Variants in EYS observed in about 807,000 individuals in gnomAD.
EYS encodes EGF-like photoreceptor maintenance factor, also known as protein eyes shut homolog.
Under a neutral mutation model 282.1 loss-of-function variants are expected in EYS, and 250 were observed. That is an observed-to-expected ratio of 0.89 (90% CI 0.80 to 0.98). EYS has a LOEUF of 0.98. Among genes scored for constraint, EYS ranks in the 50% least tolerant of loss-of-function variants. EYS has a pLI of 0.00. For synonymous variants in EYS, 1,355 were observed against 1,282.9 expected (o/e 1.06, Z -1.20); for missense variants, 4,016 against 3,709.0 (o/e 1.08, Z -2.15).
In EYS at chr6:64,023,819, C is replaced by T. The variant is rs191522636; in HGVS notation, c.6726-24636G>A. Among the ~76,000 whole-genome samples, 401 of 152,284 alleles carry T rather than the reference C, an allele frequency of 2.6e-3. 1 individual carries two copies. Among genetic ancestry groups the T allele is most frequent in the Middle Eastern group, 0.014 (4 of 292 alleles). On this transcript the variant is annotated intron_variant, in intron 33 of 42. Transcript: ENST00000503581. ...AACTGGGGCTGTGCCGCGGTGTTTGCGGGCCAGCGCGAGTTCCAGGTGGGC... is the reference window on the plus strand; with the variant it reads ...AACTGGGGCTGTGCCGCGGTGTTTGTGGGCCAGCGCGAGTTCCAGGTGGGC...
rs867948662 is a variant in EYS at position 64,421,865 on chromosome 6, G to A, written c.5927+14309C>T. 6.6e-3 allele frequency among the ~76,000 whole-genome samples: 897 copies of A among 135,564 alleles called. 12 individuals are homozygous for A. The highest frequency in any genetic ancestry group is 0.022 in the African/African-American group (643 of 29,890). 88.9% of individuals were successfully genotyped at this position (135,564 alleles called of 152,430 possible). A position where few individuals can be genotyped will look rare whatever the true frequency, so the allele number is the denominator to read the frequency against. On this transcript the variant is annotated intron_variant, in intron 28 of 42. Coordinates refer to ENST00000503581, the MANE Select transcript of EYS (RefSeq NM_001142800.2). Reference sequence around the variant, plus strand: ...GCGCATTTTTTTGTTTGGGGGGTGTGTGTGTGTGTGTGTGTGTGTGTGTGT... The same window carrying A: ...GCGCATTTTTTTGTTTGGGGGGTGTATGTGTGTGTGTGTGTGTGTGTGTGT...
chr6:63,730,849 G>A (rs1310237678), intron 41 of EYS, among the ~76,000 whole-genome samples: 4 of 151,794 alleles, frequency 2.6e-5, no homozygotes, highest in African/African-American at 9.7e-5. Flanking sequence ...ATGAAACCCC[G>A]TCTCTACTAA....
chr6:64,803,556 C>A (rs1212534081), intron 22 of EYS, among the ~76,000 whole-genome samples: 1 of 152,192 alleles, frequency 6.6e-6, no homozygotes, highest in Non-Finnish European at 1.5e-5. Context: ...AATGGGGACT[C>A]ACCCCTTTCT....
chr6:63,914,275 T>G (rs1764360374), intron 35 of EYS, among the ~76,000 whole-genome samples: 2 of 152,004 alleles, frequency 1.3e-5, no homozygotes, highest in Non-Finnish European at 2.9e-5. Flanking sequence ...AAGCTAGAAA[T>G]GATGAAGTTT....
At chr6:65,095,977 C>T (rs1259675271) in intron 12 of EYS, among the ~76,000 whole-genome samples, 2 of 150,882 alleles carry the variant, frequency 1.3e-5, no homozygotes, top group Non-Finnish European at 3.0e-5. Flanking sequence ...AAATAAATGC[C>T]ATCCAAATCA....
chr6:64,486,658 A>G (rs575707560), intron 26 of EYS, among the ~76,000 whole-genome samples: 14 of 151,410 alleles, frequency 9.2e-5, no homozygotes, highest in Non-Finnish European at 1.8e-4. Context: ...AAGGAAAACT[A>G]TCCATGTGTT....
At chr6:65,415,786 A>G (rs961572892) in intron 5 of EYS, among the ~76,000 whole-genome samples, 1 of 152,064 alleles carries the variant, frequency 6.6e-6, no homozygotes, top group Admixed American at 6.6e-5. Flanking sequence ...AGCAAGGAAG[A>G]GACGTAATAA....
At chr6:64,450,903 C>A (rs1031231061) in intron 26 of EYS, among the ~76,000 whole-genome samples, 1 of 152,074 alleles carries the variant, frequency 6.6e-6, no homozygotes. Flanking sequence ...CAAGAGAAAG[C>A]AGGAAAGATC....
In EYS at chr6:64,438,815, A is replaced by G. The variant is rs569284717; in HGVS notation, c.5835+347T>C. On this transcript the variant is annotated intron_variant, in intron 27 of 42. Coordinates refer to ENST00000503581, the MANE Select transcript of EYS (RefSeq NM_001142800.2). The stretch of plus-strand genomic sequence containing the variant: ...TTGTCTTCTGAATGATATTCTAATT[A>G]GGTATATTTTCCAGAAAAAATAGAG... Among the ~76,000 whole-genome samples, 565 of 151,780 alleles carry G rather than the reference A, an allele frequency of 3.7e-3. 2 individuals carry two copies. The highest frequency in any genetic ancestry group is 0.012 in the African/African-American group (511 of 41,550).
chr6:64,441,909 C>CA (rs1774961231), intron 26 of EYS, among the ~76,000 whole-genome samples: 1 of 152,094 alleles, frequency 6.6e-6, no homozygotes, highest in Non-Finnish European at 1.5e-5. Context: ...TTATCAGCAG[C>CA]ATGAAAACAG....
intron 2 of EYS, among the ~76,000 whole-genome samples, chr6:65,626,868 C>G (rs1275408213): frequency 6.7e-6 from 1 of 149,496 alleles, no homozygotes. Flanking sequence ...ACAGAGAGCC[C>G]CTGGCTCAAT....
At chr6:65,163,094 TC>T (rs1177600118) in intron 12 of EYS, among the ~76,000 whole-genome samples, 3 of 151,270 alleles carry the variant, frequency 2.0e-5, no homozygotes, top group African/African-American at 7.3e-5. Flanking sequence ...TCTAAAGTTC[TC>T]ATAGCCATGT....
chr6:65,344,434 T>G (rs996298663), intron 9 of EYS, among the ~76,000 whole-genome samples: 3 of 151,468 alleles, frequency 2.0e-5, no homozygotes, highest in Non-Finnish European at 4.4e-5. Flanking sequence ...TTTTTTAAAA[T>G]AATCAAATTT....
intron 10 of EYS, among the ~76,000 whole-genome samples, chr6:65,339,568 A>G (rs1315118086): frequency 6.6e-6 from 1 of 151,226 alleles, no homozygotes; most frequent in Admixed American, 6.6e-5. Context: ...AAAATACAGT[A>G]AATACAGGGT....
intron 25 of EYS, among the ~76,000 whole-genome samples, chr6:64,592,359 A>C (rs1766438681): frequency 6.6e-6 from 1 of 152,162 alleles, no homozygotes; most frequent in Non-Finnish European, 1.5e-5. Flanking sequence ...AAATGTTAGA[A>C]ATACCGTTTT....
intron 35 of EYS, among the ~76,000 whole-genome samples, chr6:63,935,953 C>A (rs1276937575): frequency 6.6e-6 from 1 of 152,174 alleles, no homozygotes; most frequent in African/African-American, 2.4e-5. Context: ...TCACCCTGTT[C>A]CCTCTACCTG....
intron 5 of EYS, among the ~76,000 whole-genome samples, chr6:65,480,563 A>T: frequency 6.6e-6 from 1 of 152,114 alleles, no homozygotes; most frequent in Middle Eastern, 3.2e-3. Flanking sequence ...TTACTACTTT[A>T]TGGACTTTCT....
At chr6:65,517,286 A>C (rs1029500110) in intron 2 of EYS, among the ~76,000 whole-genome samples, 10 of 151,808 alleles carry the variant, frequency 6.6e-5, no homozygotes, top group Admixed American at 1.3e-4. Context: ...TTTTTAAATA[A>C]AAATAATTGT....
At chr6:64,392,446 T>A (rs1773187826) in intron 28 of EYS, among the ~76,000 whole-genome samples, 1 of 150,884 alleles carries the variant, frequency 6.6e-6, no homozygotes, top group Non-Finnish European at 1.5e-5. Flanking sequence ...CACACTGCAA[T>A]CAAACTAGAA....
Sources: gnomAD v4.1 joint callset for allele counts (sites outside exome capture counted in the v4.1 genomes callset) on GRCh38, gnomAD v4.1.1 for gene constraint, MANE v1.5 for transcripts, NCBI Gene and HGNC (gene_info 2026-07-23, HGNC 2026-07-21) for gene names.